KDM4C: variants seen among roughly 807,000 people sequenced by gnomAD.
The protein encoded by KDM4C is lysine-specific demethylase 4C.
Under a neutral mutation model 129.3 loss-of-function variants are expected in KDM4C, and 81 were observed. The observed-to-expected ratio is 0.63, with a 90% CI of 0.52 to 0.75. The LOEUF (loss-of-function observed/expected upper bound fraction) is 0.75. Ranked by LOEUF, KDM4C falls within the 30% of genes least tolerant of loss-of-function variation. KDM4C has a pLI of 0.00. For missense variants in KDM4C, 1,457 were observed against 1,304.0 expected, an observed-to-expected ratio of 1.12 and a Z score of -1.81; for synonymous variants, 573 against 456.1, an observed-to-expected ratio of 1.26 and a Z score of -3.26.
chr9:6,876,748 G>A (rs1437918314), intron 5 of KDM4C, among the ~76,000 whole-genome samples: 2 of 152,080 alleles, frequency 1.3e-5, no homozygotes, highest in Non-Finnish European at 2.9e-5. Flanking sequence ...CTGAAGCCAG[G>A]TGCTCACCTT....
chr9:6,962,130 A>G (rs1380800244), intron 8 of KDM4C, among the ~76,000 whole-genome samples: 1 of 152,238 alleles, frequency 6.6e-6, no homozygotes, highest in Non-Finnish European at 1.5e-5. Flanking sequence ...AATTAAATTG[A>G]TTGATTGAAA....
At chr9:6,864,774 T>G (rs946023389) in intron 5 of KDM4C, among the ~76,000 whole-genome samples, 8 of 151,866 alleles carry the variant, frequency 5.3e-5, no homozygotes, top group Non-Finnish European at 7.4e-5. Flanking sequence ...TTAGATTTGG[T>G]CTTTAGTGGT....
At chr9:6,751,372 G>C (rs1373066161) in intron 1 of KDM4C, among the ~76,000 whole-genome samples, 4 of 152,154 alleles carry the variant, frequency 2.6e-5, no homozygotes, top group Non-Finnish European at 5.9e-5. Flanking sequence ...CTTGAGCCTG[G>C]GAGGTGGAGG....
intron 19 of KDM4C, among the ~76,000 whole-genome samples, chr9:7,151,874 AG>A (rs1446215983): frequency 1.2e-4 from 18 of 152,206 alleles, no homozygotes; most frequent in African/African-American, 4.3e-4. Flanking sequence ...TTTTCTTCTA[AG>A]CATGTTAGAA....
At chr9:7,113,439 T>C (rs1424477648) in intron 18 of KDM4C, among the ~76,000 whole-genome samples, 1 of 152,160 alleles carries the variant, frequency 6.6e-6, no homozygotes, top group Admixed American at 6.5e-5. Context: ...TTTAAATATA[T>C]CCCATTAAAC....
At chr9:6,974,551 T>A (rs765112263) in intron 8 of KDM4C, among the ~76,000 whole-genome samples, 7 of 152,064 alleles carry the variant, frequency 4.6e-5, no homozygotes, top group Non-Finnish European at 8.8e-5. Context: ...AGAGACGGAG[T>A]TTCACCATGA....
At chr9:7,089,294 C>T (rs992413175) in intron 17 of KDM4C, among the ~76,000 whole-genome samples, 1 of 152,022 alleles carries the variant, frequency 6.6e-6, no homozygotes, top group Non-Finnish European at 1.5e-5. Flanking sequence ...TCCTCCATAG[C>T]ACATGTAAGG....
At chr9:7,127,822 C>A in intron 18 of KDM4C, 1 of 367,702 alleles carries the variant, frequency 2.7e-6, no homozygotes, top group Admixed American at 4.4e-5. Flanking sequence ...TATGCATACA[C>A]ACACAAAACC....
intron 17 of KDM4C, among the ~76,000 whole-genome samples, chr9:7,068,885 C>T (rs368991151): frequency 2.6e-5 from 4 of 151,566 alleles, no homozygotes; most frequent in East Asian, 1.9e-4. Flanking sequence ...TTAGTAGAGA[C>T]GGAGTTTCAT....
chr9:6,847,389 G>A (rs978936809), intron 4 of KDM4C, among the ~76,000 whole-genome samples: 4 of 151,996 alleles, frequency 2.6e-5, no homozygotes, highest in African/African-American at 9.7e-5. Flanking sequence ...TTGGAACCTA[G>A]GATCTTCTCT....
intron 8 of KDM4C, among the ~76,000 whole-genome samples, chr9:6,944,964 A>G (rs1398383801): frequency 2.0e-5 from 3 of 152,136 alleles, no homozygotes; most frequent in Admixed American, 6.5e-5. Context: ...TGTGGTTTGT[A>G]TAGTGTTCTT....
intron 8 of KDM4C, among the ~76,000 whole-genome samples, chr9:6,916,558 C>G (rs1465572944): frequency 6.6e-6 from 1 of 152,114 alleles, no homozygotes; most frequent in Non-Finnish European, 1.5e-5. Flanking sequence ...CTGTGCCTGG[C>G]TGATATTTTT....
chr9:7,062,469 C>G (rs565206888), intron 17 of KDM4C, among the ~76,000 whole-genome samples: 3 of 152,110 alleles, frequency 2.0e-5, no homozygotes, highest in Non-Finnish European at 2.9e-5. Flanking sequence ...CTCACTGCAG[C>G]CTTTACTTCC....
intron 8 of KDM4C, among the ~76,000 whole-genome samples, chr9:6,937,159 C>G (rs184799152): frequency 6.6e-6 from 1 of 152,102 alleles, no homozygotes; most frequent in Admixed American, 6.5e-5. Flanking sequence ...TTATTTTTAA[C>G]ATAAGAACCT....
chr9:6,962,831 A>C (rs1274193766), intron 8 of KDM4C, among the ~76,000 whole-genome samples: 1 of 152,120 alleles, frequency 6.6e-6, no homozygotes, highest in Non-Finnish European at 1.5e-5. Flanking sequence ...TCAATTACTA[A>C]AAAAAGAAAT....
At chr9:6,867,973 C>G (rs976495617) in intron 5 of KDM4C, among the ~76,000 whole-genome samples, 8 of 152,114 alleles carry the variant, frequency 5.3e-5, no homozygotes, top group African/African-American at 1.9e-4. Flanking sequence ...TGATAGGTCC[C>G]TACTTTGGAA....
intron 12 of KDM4C, among the ~76,000 whole-genome samples, chr9:6,996,642 A>G (rs547875464): frequency 1.4e-3 from 208 of 152,298 alleles, no homozygotes; most frequent in African/African-American, 4.8e-3. Flanking sequence ...TGAGCATGGC[A>G]TTTGCTGACA....
In KDM4C at chr9:7,010,327, T is replaced by C. The variant is rs572677125; in HGVS notation, c.1787-1371T>C. Among the ~76,000 whole-genome samples, 5 of 152,350 alleles carry C rather than the reference T, an allele frequency of 3.3e-5. No individual in the cohort carries two copies. The South Asian group carries it at 8.3e-4, about 25-fold the overall frequency. On this transcript the variant is annotated intron_variant, in intron 12 of 21. Coordinates refer to ENST00000381309, the MANE Select transcript of KDM4C (RefSeq NM_015061.6). ...AAAATAATAACAACAACAACCATGA[T>C]AACGTGATTATTATGATAATAATGC...
At chr9:7,141,952 C>T (rs541123846) in intron 19 of KDM4C, among the ~76,000 whole-genome samples, 1 of 152,270 alleles carries the variant, frequency 6.6e-6, no homozygotes, top group Non-Finnish European at 1.5e-5. Flanking sequence ...ACATAAACCC[C>T]ATTAACTAAC....
Sources: allele counts gnomAD v4.1 joint callset (sites outside exome capture counted in the v4.1 genomes callset), GRCh38; gene constraint gnomAD v4.1.1; transcripts MANE v1.5; gene names NCBI Gene and HGNC (gene_info 2026-07-23, HGNC 2026-07-21).